The following ZNF503 variants were observed in gnomAD, a reference collection of about 807,000 sequenced individuals.
ZNF503 encodes zinc finger protein 503.
A neutral mutation model predicts 34.4 loss-of-function variants in ZNF503; 15 were observed. The ratio of observed to expected loss-of-function variants is 0.44; its 90% CI spans 0.29 to 0.67. The LOEUF (loss-of-function observed/expected upper bound fraction) is 0.67. ZNF503 is among the 30% of genes least tolerant of loss of function. The pLI is 0.13. For missense variants in ZNF503, 1,007 were observed against 926.8 expected, an observed-to-expected ratio of 1.09 and a Z score of -1.12; for synonymous variants, 580 against 456.8, an observed-to-expected ratio of 1.27 and a Z score of -3.44.
At chr10:75,382,381 C>T in the ZNF503 span, 50 of 302,548 alleles carry the variant, frequency 1.7e-4, no homozygotes, top group Admixed American at 8.7e-4. Flanking sequence ...GAGGTAAAAG[C>T]AGTGTCCTCA....
At chr10:75,378,916 C>T in the ZNF503 span, among the ~76,000 whole-genome samples, 1 of 152,142 alleles carries the variant, frequency 6.6e-6, no homozygotes, top group Admixed American at 6.5e-5. Context: ...CTGCAATTTC[C>T]TTTATTCCTG....
At chr10:75,346,435 T>C in the ZNF503 span, among the ~76,000 whole-genome samples, 1 of 151,862 alleles carries the variant, frequency 6.6e-6, no homozygotes, top group South Asian at 2.1e-4. Context: ...CTATCTTTTT[T>C]CTTTTCTTTT....
chr10:75,343,122 C>T, the ZNF503 span: 1 of 152,202 alleles, frequency 6.6e-6, no homozygotes, highest in Non-Finnish European at 1.5e-5. Context: ...GCTTTGCCAC[C>T]TCCTGTGTGT....
chr10:75,290,033 A>G, the ZNF503 span, among the ~76,000 whole-genome samples: 1 of 152,074 alleles, frequency 6.6e-6, no homozygotes, highest in Non-Finnish European at 1.5e-5. Context: ...GACAACCACC[A>G]TTCTACTTTT....
At position 75,401,645 on chromosome 10, in the gene ZNF503, C is replaced by A; in HGVS notation, c.-226G>T. The stretch of plus-strand genomic sequence containing the variant: ...CGGGCTAGAGGAGCCGGCTGGACTG[C>A]GGGAGTGCCGGGCGGCTCGCGGTGT... On this transcript the variant is annotated 5_prime_UTR_variant, in exon 1 of 2. Coordinates refer to ENST00000372524, the MANE Select transcript of ZNF503 (RefSeq NM_032772.6). 3.7e-6 allele frequency: 2 copies of A among 536,242 alleles called. No individual in the cohort carries two copies. 33.2% of individuals were successfully genotyped at this position (536,242 alleles called of 1,614,324 possible).
the ZNF503 span, among the ~76,000 whole-genome samples, chr10:75,310,907 T>C: frequency 1.6e-4 from 24 of 152,248 alleles, no homozygotes; most frequent in African/African-American, 5.5e-4. Flanking sequence ...TAACATAATA[T>C]GAAATGTTCA....
At chr10:75,357,250 G>T in the ZNF503 span, among the ~76,000 whole-genome samples, 1 of 152,014 alleles carries the variant, frequency 6.6e-6, no homozygotes, top group African/African-American at 2.4e-5. Flanking sequence ...GGGCACAGTA[G>T]CTTACACCTG....
At chr10:75,295,203 G>A in the ZNF503 span, among the ~76,000 whole-genome samples, 1 of 151,676 alleles carries the variant, frequency 6.6e-6, no homozygotes, top group Non-Finnish European at 1.5e-5. The surrounding 1 kb of genome is among the most constrained non-coding windows in gnomAD (Gnocchi z 4.0). Flanking sequence ...GCGCGGGGCG[G>A]GCCCGCCTGG....
the ZNF503 span, among the ~76,000 whole-genome samples, chr10:75,375,284 C>G: frequency 6.6e-6 from 1 of 152,034 alleles, no homozygotes; most frequent in East Asian, 1.9e-4. Context: ...CCACACCTGG[C>G]TAATTTTTTT....
chr10:75,328,096 TA>T, the ZNF503 span, among the ~76,000 whole-genome samples: 1 of 152,168 alleles, frequency 6.6e-6, no homozygotes, highest in Admixed American at 6.5e-5. Flanking sequence ...AGGGGCTTTT[TA>T]GTTTGATGTA....
the ZNF503 span, among the ~76,000 whole-genome samples, chr10:75,375,233 G>A: frequency 6.6e-6 from 1 of 152,102 alleles, no homozygotes; most frequent in Non-Finnish European, 1.5e-5. Context: ...CGATTCTCCT[G>A]CCTCAGCCTC....
chr10:75,327,092 A>C, the ZNF503 span, among the ~76,000 whole-genome samples: 1 of 152,186 alleles, frequency 6.6e-6, no homozygotes, highest in African/African-American at 2.4e-5. Flanking sequence ...GAACATTCAA[A>C]ATCTGCTTTT....
chr10:75,325,327 ATATT>A, the ZNF503 span, among the ~76,000 whole-genome samples: 4 of 119,340 alleles, frequency 3.4e-5, no homozygotes, highest in African/African-American at 1.0e-4. Flanking sequence ...ATATATATAT[ATATT>A]TTTTTTTTTT....
the ZNF503 span, among the ~76,000 whole-genome samples, chr10:75,314,846 G>A: frequency 6.6e-6 from 1 of 152,184 alleles, no homozygotes; most frequent in Non-Finnish European, 1.5e-5. Context: ...TCAAGCAAAA[G>A]CTGAGGGAGT....
chr10:75,398,614 A>T lies in ZNF503; in HGVS notation c.*135T>A. ...CTGCTGTCGGGTAGATAGATACGGT[A>T]TACATTTCTTTCCTTTCGTGGCCCG... On this transcript the variant is annotated 3_prime_UTR_variant, in exon 2 of 2. Coordinates refer to ENST00000372524, the MANE Select transcript of ZNF503 (RefSeq NM_032772.6). 1.3e-6 allele frequency: 1 copy of T among 751,160 alleles called. No individual in the cohort carries two copies. Among genetic ancestry groups the T allele is most frequent in the Non-Finnish European group, 1.8e-6 (1 of 541,862 alleles). The allele number at this position is 751,160 out of a possible 1,614,324, so 46.5% of individuals were successfully genotyped here.
At chr10:75,362,097 G>C in the ZNF503 span, among the ~76,000 whole-genome samples, 1 of 152,128 alleles carries the variant, frequency 6.6e-6, no homozygotes, top group Non-Finnish European at 1.5e-5. Flanking sequence ...AACAGTGTTG[G>C]CTTCTTAATA....
chr10:75,363,714 A>G, the ZNF503 span, among the ~76,000 whole-genome samples: 2 of 152,372 alleles, frequency 1.3e-5, no homozygotes, highest in Admixed American at 1.3e-4. Context: ...TTTGACAGTC[A>G]TCCCAGTGGA....
rs991012326 is a variant in ZNF503 at position 75,398,011 on chromosome 10, G to C, written c.*738C>G. The C allele has an allele frequency of 6.6e-6, 1 of 151,110 alleles. No homozygotes were observed. The highest frequency in any genetic ancestry group is 1.5e-5 in the Non-Finnish European group (1 of 67,902). 9.4% of individuals were successfully genotyped at this position (151,110 alleles called of 1,614,324 possible). A position where few individuals can be genotyped will look rare whatever the true frequency, so the allele number is the denominator to read the frequency against. The stretch of plus-strand genomic sequence containing the variant: ...ATAAGGCAAATGAGGTTTTGGAATA[G>C]AATTTTTTCTTTTTCTTTTTTTTTT... On this transcript the variant is annotated 3_prime_UTR_variant, in exon 2 of 2. Coordinates refer to ENST00000372524, the MANE Select transcript of ZNF503 (RefSeq NM_032772.6).
rs755325862 is a variant in ZNF503 at position 75,399,160 on chromosome 10, G to A, written c.1530C>T (p.Asp510=). The A allele has an allele frequency of 6.2e-6, 10 of 1,612,796 alleles. No homozygotes were observed. The highest frequency in any genetic ancestry group is 7.6e-6 in the Non-Finnish European group (9 of 1,179,310). Residue 510 remains aspartate, a synonymous_variant, in exon 2 of 2, where the codon GAC becomes GAT. Coordinates refer to ENST00000372524, the MANE Select transcript of ZNF503 (RefSeq NM_032772.6). ...CCCAGTTGCAGATGTGGGGGAGTGG[G>A]TCGTTAGGGAGCATAAAGCCGTAGG... The part of the protein sequence containing the change: ...LYPYGFMLPN[D]PLPHICNWVS...
Sources: allele counts gnomAD v4.1 joint callset (sites outside exome capture counted in the v4.1 genomes callset), GRCh38; gene constraint gnomAD v4.1.1; non-coding constraint Gnocchi (gnomAD v3.1); transcripts MANE v1.5; gene names NCBI Gene and HGNC (gene_info 2026-07-23, HGNC 2026-07-21).